The following PFKP variants were observed in gnomAD, a reference collection of about 807,000 sequenced individuals.
PFKP encodes the protein phosphofructokinase, platelet, also known as ATP-dependent 6-phosphofructokinase, platelet type.
In PFKP, 101 loss-of-function variants were observed where a neutral mutation model predicts 94.3. That is an observed-to-expected ratio of 1.07 (90% CI 0.91 to 1.26). The LOEUF (loss-of-function observed/expected upper bound fraction) is 1.26. Ranked by LOEUF, PFKP falls within the 50% of genes most tolerant of loss-of-function variation. The probability of loss-of-function intolerance (pLI) is 0.00; values close to 1 mark genes in which losing one functional copy is unlikely to be tolerated. For synonymous variants in PFKP, 573 were observed against 432.6 expected (o/e 1.32, Z -4.03); for missense variants, 1,145 against 1,103.3 (o/e 1.04, Z -0.53).
At chr10:3,088,456 CTG>C (rs1377165386) in intron 2 of PFKP, among the ~76,000 whole-genome samples, 1 of 152,084 alleles carries the variant, frequency 6.6e-6, no homozygotes, top group Non-Finnish European at 1.5e-5. Flanking sequence ...ACACTAAAAT[CTG>C]TGAGTGTTTT....
chr10:3,134,300 A>AC (rs1238460015), intron 19 of PFKP, among the ~76,000 whole-genome samples, 183 bp from the exon 20 acceptor site: 2 of 152,218 alleles, frequency 1.3e-5, no homozygotes, highest in African/African-American at 4.8e-5. Flanking sequence ...AGCGGGGGGA[A>AC]CACTTGATAC....
At chr10:3,128,111 C>A (rs527440559) in intron 16 of PFKP, among the ~76,000 whole-genome samples, 2 of 134,954 alleles carry the variant, frequency 1.5e-5, no homozygotes, top group African/African-American at 5.2e-5. Flanking sequence ...GGACGGACGG[C>A]TGGCTGGGGA....
chr10:3,097,941 G>A (rs531090545), intron 2 of PFKP, among the ~76,000 whole-genome samples: 189 of 152,262 alleles, frequency 1.2e-3, no homozygotes, highest in African/African-American at 4.3e-3. Flanking sequence ...CCTGGGAGAT[G>A]TAAGTTGCAG....
At chr10:3,114,177 T>C (rs1836558728) in intron 13 of PFKP, among the ~76,000 whole-genome samples, 1 of 142,420 alleles carries the variant, frequency 7.0e-6, no homozygotes, top group Non-Finnish European at 1.5e-5. Flanking sequence ...TGAGACGAAG[T>C]CTCGCTCTGT....
At chr10:3,131,789 C>G (rs1366052821) in intron 17 of PFKP, among the ~76,000 whole-genome samples, 1 of 152,156 alleles carries the variant, frequency 6.6e-6, no homozygotes, top group African/African-American at 2.4e-5. Flanking sequence ...CCATTGCGCC[C>G]AGTGACAGAT....
intron 2 of PFKP, among the ~76,000 whole-genome samples, chr10:3,087,971 T>G (rs1020975604): frequency 6.8e-6 from 1 of 147,590 alleles, no homozygotes; most frequent in African/African-American, 2.5e-5. Context: ...ATAAAAATCC[T>G]GTATCTTTCA....
chr10:3,133,342 C>G (rs781145311), intron 19 of PFKP, 28 bp downstream of exon 19: 1 of 1,374,952 alleles, frequency 7.3e-7, no homozygotes, highest in Admixed American at 1.7e-5. Flanking sequence ...TGAGGGGCCA[C>G]AAAGCCCCTG....
At chr10:3,087,209 T>A (rs1833671974) in intron 2 of PFKP, among the ~76,000 whole-genome samples, 1 of 152,078 alleles carries the variant, frequency 6.6e-6, no homozygotes, top group Non-Finnish European at 1.5e-5. Context: ...TTCACCTGCC[T>A]TGGCCTCCCA....
At chr10:3,086,410 A>T (rs1462996103) in intron 2 of PFKP, among the ~76,000 whole-genome samples, 2 of 152,256 alleles carry the variant, frequency 1.3e-5, no homozygotes, top group South Asian at 4.1e-4. Context: ...CCAGGAACAG[A>T]GTTCGGTCCC....
intron 17 of PFKP, among the ~76,000 whole-genome samples, chr10:3,131,779 C>T (rs903710465): frequency 2.0e-5 from 3 of 152,260 alleles, no homozygotes; most frequent in Middle Eastern, 6.8e-3. Flanking sequence ...TGAAATTCTG[C>T]CATTGCGCCC....
chr10:3,107,186 T>C lies in PFKP; in HGVS notation c.775-28T>C, dbSNP rs776739955. 1.0e-5 allele frequency: 14 copies of C among 1,365,636 alleles called. No homozygotes were observed. In the South Asian group the frequency reaches 1.3e-4, roughly 12 times the overall value. The allele number at this position is 1,365,636 out of a possible 1,614,324, so 84.6% of individuals were successfully genotyped here. A position where few individuals can be genotyped will look rare whatever the true frequency, so the allele number is the denominator to read the frequency against. ...GTTGCTAAGAACAGGATTAGGAATT[T>C]GAGAGCTTTAATTTTCTGTCTCCAC... is the stretch of plus-strand genomic sequence containing the variant. On this transcript the variant is annotated intron_variant, in intron 7 of 21. Coordinates refer to ENST00000381125, the MANE Select transcript of PFKP (RefSeq NM_002627.5).
intron 2 of PFKP, among the ~76,000 whole-genome samples, chr10:3,098,220 A>G (rs2131521181): frequency 6.6e-6 from 1 of 152,300 alleles, no homozygotes; most frequent in East Asian, 1.9e-4. Flanking sequence ...GGATCCAACA[A>G]TAATCTATCA....
intron 2 of PFKP, among the ~76,000 whole-genome samples, chr10:3,087,339 A>C (rs1441630071): frequency 6.6e-6 from 1 of 152,102 alleles, no homozygotes; most frequent in Non-Finnish European, 1.5e-5. Context: ...TCTGAGGCCC[A>C]TCCATGTGAC....
chr10:3,098,990 C>G (rs1351529244), intron 2 of PFKP, among the ~76,000 whole-genome samples: 1 of 152,152 alleles, frequency 6.6e-6, no homozygotes, highest in East Asian at 1.9e-4. Context: ...GAAACACGAC[C>G]CTTTCAACCT....
chr10:3,121,793 CTTTT>C (rs140725084), intron 16 of PFKP, among the ~76,000 whole-genome samples: 54,215 of 96,064 alleles, frequency 0.56, 12,888 homozygotes, highest in South Asian at 0.62. Context: ...TAAACAATTT[CTTTT>C]TTTTTCTTTT....
rs192556260 is a variant in PFKP, at chr10:3,110,338, A to G, written c.1089+858A>G. 2.2e-3 allele frequency among the ~76,000 whole-genome samples: 321 copies of G among 148,766 alleles called. 3 individuals carry two copies. Among genetic ancestry groups the G allele is most frequent in the African/African-American group, 7.4e-3 (300 of 40,418 alleles). ...CTCAGCCTTCCGAGTAGCTGGGACT[A>G]CAGGTGCCCACCACCACGCCTGGCT... On this transcript the variant is annotated intron_variant, in intron 10 of 21. Transcript: ENST00000381125.
In PFKP at chr10:3,109,421, G is replaced by C; in HGVS notation, c.1030G>C (p.Val344Leu). 2.5e-6 allele frequency: 4 copies of C among 1,609,772 alleles called. No individual in the cohort carries two copies. The highest frequency in any genetic ancestry group is 3.4e-6 in the Non-Finnish European group (4 of 1,179,984). Residue 344 changes from valine to leucine, a missense_variant, in exon 10 of 22, where the codon GTC (valine) becomes CTC (leucine). Around this residue, in one of 3 missense-constraint regions of PFKP, gnomAD observed 1,119 missense variants for 1,062.8 expected, o/e 1.05. Transcript: ENST00000381125. Reference protein sequence around the residue: ...LEATPDTPACVVSLNGNHAVR... With the variant: ...LEATPDTPACLVSLNGNHAVR... ...GGCCACCCCGGACACCCCAGCTTGCGTCGTGTCACTGAACGGGAACCACGC... is the reference window on the plus strand; with the variant it reads ...GGCCACCCCGGACACCCCAGCTTGCCTCGTGTCACTGAACGGGAACCACGC...
chr10:3,129,777 C>G (rs1484535667), intron 16 of PFKP, 42 bp from the exon 17 acceptor site: 2 of 1,606,750 alleles, frequency 1.2e-6, no homozygotes, highest in Non-Finnish European at 1.7e-6. Flanking sequence ...TGGGCGCGCC[C>G]CGGGCCTGGG....
chr10:3,132,047 G>A (rs571306260), intron 17 of PFKP, among the ~76,000 whole-genome samples: 6 of 152,176 alleles, frequency 3.9e-5, no homozygotes, highest in South Asian at 2.1e-4. Context: ...CGAGAACATC[G>A]TCATGCAAAT....
Sources: gnomAD v4.1 joint callset for allele counts (sites outside exome capture counted in the v4.1 genomes callset) on GRCh38, gnomAD v4.1.1 for gene constraint, gnomAD v4.1.1 regional missense constraint, MANE v1.5 for transcripts, NCBI Gene and HGNC (gene_info 2026-07-23, HGNC 2026-07-21) for gene names.